Variants in ADAP1 observed in about 807,000 individuals in gnomAD.
ADAP1 encodes the protein arf-GAP with dual PH domain-containing protein 1.
In ADAP1, 31 loss-of-function variants were observed where a neutral mutation model predicts 54.9. That is an observed-to-expected ratio of 0.56 (90% confidence interval 0.42 to 0.76). ADAP1 has a LOEUF of 0.76. Ranked by LOEUF, ADAP1 falls within the 30% of genes least tolerant of loss-of-function variation. The pLI, the probability that ADAP1 is intolerant of heterozygous loss-of-function variation, is 0.00. For missense variants in ADAP1, 535 were observed against 512.4 expected, an observed-to-expected ratio of 1.04 and a Z score of -0.42; for synonymous variants, 313 against 202.6, an observed-to-expected ratio of 1.55 and a Z score of -4.63.
chr7:920,078 T>C lies in ADAP1; in HGVS notation c.306-28A>G, dbSNP rs200497923. ...GTGGGGAGAGGAGAGACTGAGCCAC[T>C]GGGCCAAGGCGGCCTCCGACCCAGC... is the stretch of plus-strand genomic sequence containing the variant. On this transcript the variant is annotated intron_variant, in intron 3 of 10. Coordinates refer to ENST00000265846, the MANE Select transcript of ADAP1 (RefSeq NM_006869.4). This position sits in a 1 kb window ranked among gnomAD's most constrained non-coding sequence, Gnocchi z 4.5. 166 of 1,598,574 alleles carry C rather than the reference T, an allele frequency of 1.0e-4. 2 individuals carry two copies. In the East Asian group the frequency reaches 3.6e-3, roughly 35 times the overall value.
Position 920,683 on chromosome 7 carries a change from G to A in ADAP1, c.306-633C>T, listed in dbSNP as rs896933409. Reference sequence around the variant, plus strand: ...AGACCCGGGATGAGGAGAAGCCCCCGAGAGTAAAGCCCGGGACGAGGGCCC... The same window carrying A: ...AGACCCGGGATGAGGAGAAGCCCCCAAGAGTAAAGCCCGGGACGAGGGCCC... On this transcript the variant is annotated intron_variant, in intron 3 of 10. Coordinates refer to ENST00000265846, the MANE Select transcript of ADAP1 (RefSeq NM_006869.4). The surrounding 1 kb of genome is among the most constrained non-coding windows in gnomAD (Gnocchi z 4.5). 4.2e-5 allele frequency: 41 copies of A among 983,510 alleles called. No homozygotes were observed. The highest frequency in any genetic ancestry group is 3.0e-4 in the East Asian group (11 of 37,288). 60.9% of individuals were successfully genotyped at this position (983,510 alleles called of 1,614,324 possible). A position where few individuals can be genotyped will look rare whatever the true frequency, so the allele number is the denominator to read the frequency against.
Position 898,874 on chromosome 7 carries a change from G to C in ADAP1, c.*47C>G. 6.4e-7 allele frequency: 1 copy of C among 1,568,734 alleles called. No individual in the cohort carries two copies. Among genetic ancestry groups the C allele is most frequent in the South Asian group, 1.2e-5 (1 of 85,892 alleles). ...GCCCCCCCATCCACGGGTCCCCTCC[G>C]TCCAGCCACAGTGAGTCCAATGTCC... On this transcript the variant is annotated 3_prime_UTR_variant, in exon 11 of 11. Coordinates refer to ENST00000265846, the MANE Select transcript of ADAP1 (RefSeq NM_006869.4).
At chr7:919,671 A>C in intron 4 of ADAP1, among the ~76,000 whole-genome samples, 1 of 82,334 alleles carries the variant, frequency 1.2e-5, no homozygotes, top group Non-Finnish European at 2.4e-5. Flanking sequence ...AAAGAGAGAC[A>C]GAAGGAGGGA....
intron 8 of ADAP1, among the ~76,000 whole-genome samples, chr7:899,747 C>G (rs573810546): frequency 5.3e-5 from 8 of 152,220 alleles, no homozygotes; most frequent in South Asian, 2.1e-4. Context: ...GCCTCACTTA[C>G]GAGCCCTCAC....
In ADAP1 at chr7:905,176, T is replaced by G. The variant is rs1400621412; in HGVS notation, c.389-4A>C. The G allele has an allele frequency of 2.5e-6, 4 of 1,602,724 alleles. No homozygotes were observed. The highest frequency in any genetic ancestry group is 3.4e-6 in the Non-Finnish European group (4 of 1,176,776). ...CAGAGAAAACCCTCACGGTACCCTG[T>G]GGGGGAAAGGGGACACGAGTCGGTG... On this transcript the variant is annotated splice_region_variant and splice_polypyrimidine_tract_variant and intron_variant, in intron 4 of 10. Coordinates refer to ENST00000265846, the MANE Select transcript of ADAP1 (RefSeq NM_006869.4).
intron 2 of ADAP1, among the ~76,000 whole-genome samples, chr7:929,754 C>G (rs182384514): frequency 1.3e-5 from 2 of 152,066 alleles, no homozygotes; most frequent in East Asian, 3.9e-4. Context: ...CTGAACTGTA[C>G]GCTTTACGGG....
chr7:927,237 G>T (rs1846421796), intron 2 of ADAP1: 1 of 1,262,242 alleles, frequency 7.9e-7, no homozygotes, highest in East Asian at 5.7e-5. Context: ...AAGGAGGGGA[G>T]GTGCTGCAGG....
At position 900,269 on chromosome 7, in the gene ADAP1, A is replaced by G. The variant is rs544967031; in HGVS notation, c.733-105T>C. 4.1e-5 allele frequency: 58 copies of G among 1,399,018 alleles called. No individual in the cohort carries two copies. In the South Asian group the frequency reaches 6.8e-4, roughly 16 times the overall value. The allele number at this position is 1,399,018 out of a possible 1,614,324, so 86.7% of individuals were successfully genotyped here. On this transcript the variant is annotated intron_variant, in intron 7 of 10. Transcript: ENST00000265846. ...TCCCCTCACCCCGGGCCACCAGGTC[A>G]GGGCCCAGGCCTGGCTTAGCCTCCG...
chr7:925,032 C>T (rs1220927305), intron 3 of ADAP1, among the ~76,000 whole-genome samples: 3 of 151,610 alleles, frequency 2.0e-5, no homozygotes, highest in Non-Finnish European at 4.4e-5. Context: ...GGTGCATGCA[C>T]GGGGCTGAGT....
chr7:913,816 TC>T (rs1349684857), intron 4 of ADAP1, among the ~76,000 whole-genome samples: 1 of 152,072 alleles, frequency 6.6e-6, no homozygotes, highest in Non-Finnish European at 1.5e-5. Context: ...GCGCCTGTAG[TC>T]CCAGCTACTC....
rs887136952 is a variant in ADAP1, at chr7:900,306, T to G, written c.733-142A>C. 9 of 1,080,752 alleles carry G rather than the reference T, an allele frequency of 8.3e-6. No individual in the cohort carries two copies. The African/African-American group carries it at 1.1e-4, about 13-fold the overall frequency. 66.9% of individuals were successfully genotyped at this position (1,080,752 alleles called of 1,614,324 possible). ...TGGCTTAGCCTCCGCAGGATCCACATTTCTGCCTCTGCTTGCCACCCCTTC... is the reference window on the plus strand; with the variant it reads ...TGGCTTAGCCTCCGCAGGATCCACAGTTCTGCCTCTGCTTGCCACCCCTTC... On this transcript the variant is annotated intron_variant, in intron 7 of 10. Coordinates refer to ENST00000265846, the MANE Select transcript of ADAP1 (RefSeq NM_006869.4).
rs372725364 is a variant in ADAP1, at chr7:900,184, G to A, written c.733-20C>T. ...CACCAGCTAGGGCAGGACACACCAGGCAGGGGACCTCAGAAGTGCAGCTCA... is the reference window on the plus strand; with the variant it reads ...CACCAGCTAGGGCAGGACACACCAGACAGGGGACCTCAGAAGTGCAGCTCA... On this transcript the variant is annotated intron_variant, in intron 7 of 10. Transcript: ENST00000265846. 2 of 1,612,716 alleles carry A rather than the reference G, an allele frequency of 1.2e-6. No homozygotes were observed. The highest frequency in any genetic ancestry group is 1.3e-5 in the African/African-American group (1 of 74,932).
chr7:944,319 ATCTTGGCTCACTGCAACCTTTGCC>A (rs973970781), intron 1 of ADAP1, among the ~76,000 whole-genome samples: 3 of 148,874 alleles, frequency 2.0e-5, no homozygotes, highest in African/African-American at 7.5e-5. Flanking sequence ...CAGTGGTGCA[ATCTTGGCTCACTGCAACCTTTGCC>A]TCTCGGGTTC....
chr7:905,285 CGGGGGACACGGACAGGGGGAG>C lies in ADAP1; in HGVS notation c.389-134_389-114del, dbSNP rs1845067170. The C allele has an allele frequency of 3.8e-5, 9 of 236,024 alleles. 1 individual carries two copies. The highest frequency in any genetic ancestry group is 1.4e-4 in the African/African-American group (2 of 14,050). The allele number at this position is 236,024 out of a possible 1,614,324, so 14.6% of individuals were successfully genotyped here. A position where few individuals can be genotyped will look rare whatever the true frequency, so the allele number is the denominator to read the frequency against. Reference sequence around the variant, plus strand: ...GGGGAGAAGACACGGGGGACACGGACGGGGGACACGGACAGGGGGAGACGGACGGGGAGAGGGGACATGGAG... The same window carrying C: ...GGGGAGAAGACACGGGGGACACGGACACGGACGGGGAGAGGGGACATGGAG... On this transcript the variant is annotated intron_variant, in intron 4 of 10. Coordinates refer to ENST00000265846, the MANE Select transcript of ADAP1 (RefSeq NM_006869.4).
chr7:900,821 C>G, intron 6 of ADAP1: 1 of 642,734 alleles, frequency 1.6e-6, no homozygotes. Context: ...AGGGGCTGCC[C>G]CTCTGCGGGA....
intron 1 of ADAP1, among the ~76,000 whole-genome samples, chr7:943,649 GT>G (rs1272612260): frequency 4.3e-5 from 1 of 23,092 alleles, no homozygotes; most frequent in Admixed American, 3.1e-4. Context: ...GAGGAAGGGA[GT>G]GAGGAGGAAG....
In ADAP1 at chr7:945,631, CAGGCCCAAG is replaced by C; in HGVS notation, c.82+8756_82+8764del. Reference sequence around the variant, plus strand: ...GCCCTGAGTGCCAGGTAGGGAGGGGCAGGCCCAAGACTCCAGCCCCCACAAACATCCAGG... The same window carrying C: ...GCCCTGAGTGCCAGGTAGGGAGGGGCACTCCAGCCCCCACAAACATCCAGG... On this transcript the variant is annotated intron_variant, in intron 1 of 10. Transcript: ENST00000265846. The surrounding 1 kb of genome is among the most constrained non-coding windows in gnomAD (Gnocchi z 4.2). The C allele has an allele frequency of 1.6e-6, 1 of 638,346 alleles. No homozygotes were observed. Among genetic ancestry groups the C allele is most frequent in the Non-Finnish European group, 1.9e-6 (1 of 512,960 alleles). The allele number at this position is 638,346 out of a possible 1,614,324, so 39.5% of individuals were successfully genotyped here.
chr7:948,258 C>T (rs186807423), intron 1 of ADAP1, among the ~76,000 whole-genome samples: 14 of 152,064 alleles, frequency 9.2e-5, no homozygotes, highest in African/African-American at 3.4e-4. Context: ...CCAGGTCCAT[C>T]AGTGCAATGC....
intron 6 of ADAP1, chr7:900,862 TGAG>T (rs1844767659): frequency 1.7e-6 from 1 of 585,906 alleles, no homozygotes; most frequent in African/African-American, 2.9e-5. Context: ...GGCGAAGTCC[TGAG>T]AAGGGCCGAA....
Sources: gnomAD v4.1 joint callset for allele counts (sites outside exome capture counted in the v4.1 genomes callset) on GRCh38, gnomAD v4.1.1 for gene constraint, Gnocchi (gnomAD v3.1) non-coding constraint, MANE v1.5 for transcripts, NCBI Gene and HGNC (gene_info 2026-07-23, HGNC 2026-07-21) for gene names.